Variants in PEAK1 observed in about 807,000 individuals in gnomAD.
PEAK1 encodes the protein inactive tyrosine-protein kinase PEAK1.
In PEAK1, 54 loss-of-function variants were observed where a neutral mutation model predicts 124.7. That is an observed-to-expected ratio of 0.43 (90% CI 0.35 to 0.54). The LOEUF is 0.54. Ranked by LOEUF, PEAK1 falls within the 20% of genes least tolerant of loss-of-function variation. The pLI is 0.01. For missense variants in PEAK1, 2,046 were observed against 2,134.5 expected (o/e 0.96, Z 0.82); for synonymous variants, 719 against 760.0 (o/e 0.95, Z 0.89).
chr15:77,280,867 T>G (rs112327146), intron 5 of PEAK1, among the ~76,000 whole-genome samples: 2,674 of 152,240 alleles, frequency 0.018, 87 homozygotes, highest in African/African-American at 0.061. Context: ...GTACAAGATT[T>G]CTATTTCCTG....
intron 8 of PEAK1, among the ~76,000 whole-genome samples, chr15:77,140,433 A>C: frequency 6.6e-6 from 1 of 152,240 alleles, no homozygotes; most frequent in Non-Finnish European, 1.5e-5. Context: ...AGGTTGGTTT[A>C]ACATCTGAAA....
chr15:77,129,411 T>C (rs991799064), intron 9 of PEAK1, among the ~76,000 whole-genome samples: 2 of 152,084 alleles, frequency 1.3e-5, no homozygotes, highest in Admixed American at 6.6e-5. Flanking sequence ...GGTGATATCC[T>C]TTGGCTTTCA....
intron 6 of PEAK1, among the ~76,000 whole-genome samples, chr15:77,200,255 C>A (rs553594995): frequency 1.2e-4 from 19 of 152,214 alleles, no homozygotes; most frequent in Admixed American, 2.6e-4. Flanking sequence ...CATTTTTTCT[C>A]CAGCTTACTT....
chr15:77,317,286 T>C (rs1004113415), intron 2 of PEAK1, among the ~76,000 whole-genome samples: 2 of 152,182 alleles, frequency 1.3e-5, no homozygotes, highest in Admixed American at 1.3e-4. Flanking sequence ...GTATGCATTA[T>C]TTTTATGAAC....
chr15:77,151,870 ATC>A (rs1421370813), intron 8 of PEAK1, among the ~76,000 whole-genome samples: 1 of 152,126 alleles, frequency 6.6e-6, no homozygotes, highest in East Asian at 1.9e-4. Context: ...ATTGATCTAT[ATC>A]TCTGTTTTGG....
intron 6 of PEAK1, among the ~76,000 whole-genome samples, chr15:77,189,766 G>A (rs1012065817): frequency 6.6e-6 from 1 of 152,302 alleles, no homozygotes; most frequent in South Asian, 2.1e-4. Context: ...GTGAGTTGGT[G>A]AGATGTTGCT....
chr15:77,405,118 G>A (rs1445029066), intron 1 of PEAK1, among the ~76,000 whole-genome samples: 4 of 151,602 alleles, frequency 2.6e-5, no homozygotes, highest in African/African-American at 7.3e-5. Flanking sequence ...CGATTCCCCT[G>A]CCTCAGCCTC....
At chr15:77,387,822 T>A (rs2141882121) in intron 1 of PEAK1, among the ~76,000 whole-genome samples, 1 of 152,320 alleles carries the variant, frequency 6.6e-6, no homozygotes, top group South Asian at 2.1e-4. Context: ...AAGGAAGAAC[T>A]ACCAGACTTG....
chr15:77,414,030 C>G lies in PEAK1; in HGVS notation c.-666+5976G>C, dbSNP rs1397817712. Among the ~76,000 whole-genome samples the G allele has an allele frequency of 3.3e-5, 5 of 152,184 alleles. No individual in the cohort carries two copies. The East Asian group carries it at 9.7e-4, about 29-fold the overall frequency. On this transcript the variant is annotated intron_variant, in intron 1 of 9. Transcript: ENST00000682557. Reference sequence around the variant, plus strand: ...TAGAGATGAGGCCTCCCTATGTCGCCTAGGCTGGTCTTAAACTCCTGGGCT... The same window carrying G: ...TAGAGATGAGGCCTCCCTATGTCGCGTAGGCTGGTCTTAAACTCCTGGGCT...
intron 5 of PEAK1, among the ~76,000 whole-genome samples, chr15:77,276,852 T>C (rs2062356474): frequency 1.3e-5 from 2 of 152,076 alleles, no homozygotes; most frequent in African/African-American, 4.8e-5. Flanking sequence ...TATACATATA[T>C]TAGAAACATA....
chr15:77,103,802 G>A (rs1257540831), downstream of PEAK1: 1 of 152,276 alleles, frequency 6.6e-6, no homozygotes, highest in African/African-American at 2.4e-5. Flanking sequence ...CTGCTCAGGG[G>A]CCTTGAGAGG....
Position 77,179,758 on chromosome 15 carries a change from G to A in PEAK1, c.2169C>T (p.Ser723=), listed in dbSNP as rs747583438. The A allele has an allele frequency of 1.9e-6, 3 of 1,614,126 alleles. No homozygotes were observed. Among genetic ancestry groups the A allele is most frequent in the Non-Finnish European group, 2.5e-6 (3 of 1,180,014 alleles). Residue 723 remains serine, a synonymous_variant, in exon 7 of 10, where the codon AGC becomes AGT. Coordinates refer to ENST00000682557, the MANE Select transcript of PEAK1 (RefSeq NM_001385026.1). The part of the protein sequence containing the change: ...LNRGQSSPQR[S]YSSSHSSPAK... Reference sequence around the variant, plus strand: ...CTGGGGAGCTGTGGCTGGAACTATAGCTTCTCTGTGGTGAAGACTGACCTC... The same window carrying A: ...CTGGGGAGCTGTGGCTGGAACTATAACTTCTCTGTGGTGAAGACTGACCTC...
intron 2 of PEAK1, among the ~76,000 whole-genome samples, chr15:77,340,020 T>G (rs2066433249): frequency 6.6e-6 from 1 of 152,292 alleles, no homozygotes; most frequent in Middle Eastern, 3.4e-3. Flanking sequence ...GGCAACAGGA[T>G]CTCTCATTCA....
chr15:77,257,630 C>T (rs528164517), intron 5 of PEAK1, among the ~76,000 whole-genome samples: 1 of 151,638 alleles, frequency 6.6e-6, no homozygotes, highest in Admixed American at 6.6e-5. Flanking sequence ...GATATTAGCC[C>T]TTTGTCAGAT....
intron 8 of PEAK1, among the ~76,000 whole-genome samples, chr15:77,146,179 G>A (rs1390917633): frequency 6.6e-6 from 1 of 152,164 alleles, no homozygotes; most frequent in Admixed American, 6.5e-5. Flanking sequence ...CTCATTGGCT[G>A]AACCTAGCGC....
intron 6 of PEAK1, among the ~76,000 whole-genome samples, chr15:77,230,889 A>G (rs1039520621): frequency 3.3e-5 from 5 of 152,196 alleles, no homozygotes; most frequent in African/African-American, 1.2e-4. Context: ...AGTAAGAAGC[A>G]TAATTTGGTT....
intron 5 of PEAK1, among the ~76,000 whole-genome samples, chr15:77,280,673 G>A (rs942212441): frequency 3.4e-5 from 5 of 148,186 alleles, no homozygotes; most frequent in Non-Finnish European, 7.4e-5. Context: ...ATATTTTAAT[G>A]TACTCAAGTT....
intron 2 of PEAK1, chr15:77,353,005 T>C: frequency 4.1e-6 from 4 of 985,232 alleles, no homozygotes; most frequent in Non-Finnish European, 4.8e-6. Context: ...TAAAACACTC[T>C]GGCAAGCATC....
At chr15:77,273,831 A>G (rs1305058833) in intron 5 of PEAK1, among the ~76,000 whole-genome samples, 1 of 152,198 alleles carries the variant, frequency 6.6e-6, no homozygotes, top group African/African-American at 2.4e-5. Flanking sequence ...AGCAAGACTA[A>G]GCAAAAAGAA....
Sources: allele counts gnomAD v4.1 joint callset (sites outside exome capture counted in the v4.1 genomes callset), GRCh38; gene constraint gnomAD v4.1.1; transcripts MANE v1.5; gene names NCBI Gene and HGNC (gene_info 2026-07-23, HGNC 2026-07-21).